MRTFB: variants seen among roughly 807,000 people sequenced by gnomAD.
MRTFB encodes myocardin-related transcription factor B.
MRTFB carries 29 observed loss-of-function variants against 104.2 expected under a neutral mutation model. The observed-to-expected ratio is 0.28, with a 90% CI of 0.21 to 0.38. The LOEUF is 0.38. MRTFB is among the 10% of genes least tolerant of loss of function. MRTFB has a pLI of 1.00. For synonymous variants in MRTFB, 535 were observed against 519.5 expected, an observed-to-expected ratio of 1.03 and a Z score of -0.41; for missense variants, 1,270 against 1,341.6, an observed-to-expected ratio of 0.95 and a Z score of 0.83.
the MRTFB span, among the ~76,000 whole-genome samples, chr16:14,045,681 T>A: frequency 6.6e-6 from 1 of 152,218 alleles, no homozygotes; most frequent in Non-Finnish European, 1.5e-5. Flanking sequence ...ATTCATGTAC[T>A]CTCCAAACCT....
intron 3 of MRTFB, among the ~76,000 whole-genome samples, chr16:14,156,693 ATAAT>A (rs1244860867): frequency 3.9e-5 from 6 of 152,360 alleles, no homozygotes; most frequent in African/African-American, 1.2e-4. Context: ...TCATTAATAA[ATAAT>A]TAATTGTGTA....
At chr16:14,055,562 A>G in the MRTFB span, among the ~76,000 whole-genome samples, 1 of 152,140 alleles carries the variant, frequency 6.6e-6, no homozygotes, top group African/African-American at 2.4e-5. Flanking sequence ...ACACTTTTGA[A>G]AAATACTGGA....
At chr16:14,247,663 T>C (rs185161065) in intron 12 of MRTFB, 156 bp downstream of exon 12, 20 of 660,116 alleles carry the variant, frequency 3.0e-5, no homozygotes, top group Non-Finnish European at 5.1e-5. Context: ...TTCAGAAATC[T>C]GAATATCTAG....
At chr16:14,200,951 CTG>C (rs2040674435) in intron 3 of MRTFB, 7 of 1,435,382 alleles carry the variant, frequency 4.9e-6, no homozygotes, top group Non-Finnish European at 6.9e-6. Flanking sequence ...AGACAAAACA[CTG>C]GAGATGATCA....
At chr16:14,241,375 A>AG (rs1449434220) in intron 10 of MRTFB, 1 of 152,310 alleles carries the variant, frequency 6.6e-6, no homozygotes, top group Non-Finnish European at 1.5e-5. Flanking sequence ...CTGAATTCAC[A>AG]GCAAGACATC....
intron 3 of MRTFB, among the ~76,000 whole-genome samples, chr16:14,166,717 A>G (rs1034661115): frequency 4.2e-5 from 6 of 144,342 alleles, no homozygotes; most frequent in Non-Finnish European, 9.0e-5. Context: ...GTGTCCATGT[A>G]TTGTCATTGT....
rs1394892716 is a variant in MRTFB at position 14,140,582 on chromosome 16, C to G, written c.-25C>G. On this transcript the variant is annotated 5_prime_UTR_variant, in exon 3 of 17. Coordinates refer to ENST00000571589, the MANE Select transcript of MRTFB (RefSeq NM_001308142.2). ...CCGTGTTTAAGAGGCGTCTTACACT[C>G]CCTGTTGCCAGTGGCTGGAACACAA... 6.2e-7 allele frequency: 1 copy of G among 1,613,758 alleles called. No homozygotes were observed.
intron 3 of MRTFB, among the ~76,000 whole-genome samples, chr16:14,157,028 T>G (rs1487644295): frequency 6.6e-6 from 1 of 152,226 alleles, no homozygotes; most frequent in Non-Finnish European, 1.5e-5. Context: ...TATCAAATTA[T>G]TTTGGAAATT....
chr16:14,184,505 AC>A (rs1252666560), intron 3 of MRTFB, among the ~76,000 whole-genome samples: 1 of 152,106 alleles, frequency 6.6e-6, no homozygotes, highest in African/African-American at 2.4e-5. Flanking sequence ...TATAGGCGTG[AC>A]CCACCACTGA....
intron 3 of MRTFB, among the ~76,000 whole-genome samples, chr16:14,189,018 G>A (rs1445487019): frequency 6.6e-6 from 1 of 152,064 alleles, no homozygotes; most frequent in Admixed American, 6.6e-5. Flanking sequence ...ACTGAACTGG[G>A]TTTTGCTTTA....
At chr16:14,099,754 G>A (rs1221975452) in intron 2 of MRTFB, among the ~76,000 whole-genome samples, 6 of 150,478 alleles carry the variant, frequency 4.0e-5, no homozygotes, top group Non-Finnish European at 7.4e-5. Flanking sequence ...TGCAGCCTCC[G>A]CCTCCTTGGT....
At chr16:14,151,836 G>A (rs894940517) in intron 3 of MRTFB, 1 of 152,120 alleles carries the variant, frequency 6.6e-6, no homozygotes, top group African/African-American at 2.4e-5. Flanking sequence ...AAGACAAACA[G>A]GCCAAAACTC....
intron 3 of MRTFB, among the ~76,000 whole-genome samples, chr16:14,206,507 G>A (rs1349958484): frequency 6.6e-6 from 1 of 152,212 alleles, no homozygotes; most frequent in Non-Finnish European, 1.5e-5. Context: ...AGAATAGCCT[G>A]TGTCAATTGT....
the MRTFB span, among the ~76,000 whole-genome samples, chr16:14,053,362 T>C: frequency 6.6e-6 from 1 of 152,166 alleles, no homozygotes; most frequent in Non-Finnish European, 1.5e-5. Context: ...TCTTGGCTAT[T>C]GTGAATAGCA....
chr16:14,148,778 G>A (rs9927392), intron 3 of MRTFB: 9,391 of 152,736 alleles, frequency 0.061, 909 homozygotes, highest in African/African-American at 0.2. Context: ...TATGACATCC[G>A]TACAGCAGCC....
At position 14,240,405 on chromosome 16, in the gene MRTFB, C is replaced by G. The variant is rs762459034; in HGVS notation, c.1000C>G (p.Gln334Glu). Residue 334 changes from glutamine to glutamate, a missense_variant, in exon 10 of 17, where the codon CAG becomes GAG. Coordinates refer to ENST00000571589, the MANE Select transcript of MRTFB (RefSeq NM_001308142.2). ...CTACGCCCGCCTGCTCCAGCAGCAG[C>G]AGCTGTTCCTGCAACTGCAGATCCT... is the stretch of plus-strand genomic sequence containing the variant. Reference protein sequence around the residue: ...SNYARLLQQQQLFLQLQILSQ... With the variant: ...SNYARLLQQQELFLQLQILSQ... 6.2e-7 allele frequency: 1 copy of G among 1,614,238 alleles called. No homozygotes were observed. The highest frequency in any genetic ancestry group is 8.5e-7 in the Non-Finnish European group (1 of 1,180,044).
the MRTFB span, among the ~76,000 whole-genome samples, chr16:14,055,778 C>T: frequency 7.9e-5 from 12 of 151,972 alleles, no homozygotes; most frequent in Admixed American, 2.6e-4. Context: ...TGGGTTTCCT[C>T]ACTATAAAGT....
chr16:14,240,845 T>C, intron 10 of MRTFB: 2 of 658,692 alleles, frequency 3.0e-6, no homozygotes, highest in Admixed American at 4.9e-5. Flanking sequence ...AGGATGGGCA[T>C]GAAAGCTGGA....
chr16:14,157,812 A>C (rs191154639), intron 3 of MRTFB, among the ~76,000 whole-genome samples: 63 of 152,372 alleles, frequency 4.1e-4, no homozygotes, highest in Admixed American at 1.0e-3. Context: ...TCACTGAATA[A>C]AGGAAATGTG....
Sources: gnomAD v4.1 joint callset for allele counts (sites outside exome capture counted in the v4.1 genomes callset) on GRCh38, gnomAD v4.1.1 for gene constraint, MANE v1.5 for transcripts, NCBI Gene and HGNC (gene_info 2026-07-23, HGNC 2026-07-21) for gene names.